Variants in CSMD3 observed in about 807,000 individuals in gnomAD.
The protein encoded by CSMD3 is CUB and sushi domain-containing protein 3.
Under a neutral mutation model 435.2 loss-of-function variants are expected in CSMD3, and 177 were observed. The ratio of observed to expected loss-of-function variants is 0.41; its 90% CI spans 0.36 to 0.46. The LOEUF (loss-of-function observed/expected upper bound fraction) is 0.46, where lower values mean the gene tolerates loss of function less well. Among genes scored for constraint, CSMD3 ranks in the 20% least tolerant of loss-of-function variants. The pLI is 0.34. For missense variants in CSMD3, 4,265 were observed against 4,504.6 expected (o/e 0.95, Z 1.52); for synonymous variants, 1,656 against 1,520.5 (o/e 1.09, Z -2.07).
At chr8:112,669,115 C>A (rs2075596199) in intron 16 of CSMD3, among the ~76,000 whole-genome samples, 2 of 152,012 alleles carry the variant, frequency 1.3e-5, no homozygotes, top group South Asian at 4.2e-4. Context: ...TCACTGCAAC[C>A]TCTGCCTCCT....
At chr8:112,982,947 C>T (rs751841160) in intron 6 of CSMD3, among the ~76,000 whole-genome samples, 2 of 151,864 alleles carry the variant, frequency 1.3e-5, no homozygotes, top group Non-Finnish European at 2.9e-5. Context: ...TTTTATATTT[C>T]ATGTGCTAGA....
chr8:112,548,601 T>A (rs758535708), intron 27 of CSMD3, among the ~76,000 whole-genome samples: 3 of 152,150 alleles, frequency 2.0e-5, no homozygotes, highest in African/African-American at 7.2e-5. Flanking sequence ...TAACCATATC[T>A]TATATGGCTT....
At chr8:112,973,762 G>A (rs1268206498) in intron 7 of CSMD3, among the ~76,000 whole-genome samples, 3 of 151,896 alleles carry the variant, frequency 2.0e-5, no homozygotes, top group African/African-American at 7.2e-5. Context: ...AATATTAAGA[G>A]ATTGTGTCTA....
intron 59 of CSMD3, among the ~76,000 whole-genome samples, chr8:112,279,568 A>C (rs542414268): frequency 6.6e-6 from 1 of 152,290 alleles, no homozygotes; most frequent in East Asian, 1.9e-4. Context: ...AGCCCAACTT[A>C]GATTAAAACA....
At chr8:113,304,972 T>TA (rs774140052) in intron 2 of CSMD3, among the ~76,000 whole-genome samples, 6 of 143,198 alleles carry the variant, frequency 4.2e-5, no homozygotes, top group Non-Finnish European at 6.1e-5. Flanking sequence ...TATGCAGCCA[T>TA]AAAAAATGAT....
intron 3 of CSMD3, among the ~76,000 whole-genome samples, chr8:113,195,198 A>C (rs934028497): frequency 6.8e-6 from 1 of 147,524 alleles, no homozygotes; most frequent in Non-Finnish European, 1.5e-5. Context: ...ACGATTTCCC[A>C]TGACACTGCC....
At chr8:112,594,674 G>C (rs1328832211) in intron 22 of CSMD3, among the ~76,000 whole-genome samples, 2 of 152,162 alleles carry the variant, frequency 1.3e-5, no homozygotes, top group Non-Finnish European at 2.9e-5. Flanking sequence ...TCTGAGAACG[G>C]GCAGACTGCC....
chr8:112,580,652 T>A (rs952880439), intron 23 of CSMD3, among the ~76,000 whole-genome samples: 1 of 151,968 alleles, frequency 6.6e-6, no homozygotes, highest in African/African-American at 2.4e-5. Context: ...ATGCTTCTTA[T>A]GAGCAGAGCA....
chr8:112,726,230 A>G (rs764780758), intron 13 of CSMD3, among the ~76,000 whole-genome samples: 41 of 152,014 alleles, frequency 2.7e-4, no homozygotes, highest in Middle Eastern at 3.4e-3. Context: ...TGGAGATTAT[A>G]ATTGAAGATG....
chr8:112,228,606 A>G, intron 70 of CSMD3, 150 bp downstream of exon 70: 1 of 756,676 alleles, frequency 1.3e-6, no homozygotes, highest in Non-Finnish European at 2.2e-6. Flanking sequence ...TAGGGGAAAT[A>G]AATTTTTCAG....
Position 112,550,651 on chromosome 8 carries a change from A to G in CSMD3, c.4564+20T>C, listed in dbSNP as rs1299102188. On this transcript the variant is annotated intron_variant, in intron 27 of 70. Transcript: ENST00000297405. ...TCACCTTCCTATTTTGCATTGAAGA[A>G]ATTTTTTGAAAAAACTTACTTGAAA... The G allele has an allele frequency of 6.9e-7, 1 of 1,439,072 alleles. No individual in the cohort carries two copies. The highest frequency in any genetic ancestry group is 9.8e-7 in the Non-Finnish European group (1 of 1,022,122). 89.1% of individuals were successfully genotyped at this position (1,439,072 alleles called of 1,614,324 possible).
At chr8:112,349,988 T>C (rs1359626914) in intron 40 of CSMD3, among the ~76,000 whole-genome samples, 3 of 152,010 alleles carry the variant, frequency 2.0e-5, no homozygotes, top group African/African-American at 7.2e-5. Flanking sequence ...AGGGTCTTAA[T>C]CCAATAGGAC....
intron 13 of CSMD3, among the ~76,000 whole-genome samples, chr8:112,738,603 G>A (rs2077236123): frequency 6.6e-6 from 1 of 151,442 alleles, no homozygotes; most frequent in African/African-American, 2.4e-5. Flanking sequence ...ATATTTCTCA[G>A]AAAAAAATGG....
At chr8:113,349,596 A>G (rs537376665) in intron 1 of CSMD3, among the ~76,000 whole-genome samples, 2 of 152,236 alleles carry the variant, frequency 1.3e-5, no homozygotes, top group Non-Finnish European at 2.9e-5. Context: ...AGCTTGGGCA[A>G]CACAGTGAGA....
At chr8:112,600,948 C>T (rs747356712) in intron 22 of CSMD3, among the ~76,000 whole-genome samples, 1 of 152,054 alleles carries the variant, frequency 6.6e-6, no homozygotes, top group Non-Finnish European at 1.5e-5. Flanking sequence ...AGATTACAGG[C>T]GTGAGCCACC....
intron 6 of CSMD3, among the ~76,000 whole-genome samples, chr8:112,991,886 A>C (rs552870772): frequency 6.6e-6 from 1 of 151,900 alleles, no homozygotes; most frequent in South Asian, 2.1e-4. Flanking sequence ...ATCATTTTTC[A>C]CACCACCTCT....
At chr8:112,563,417 T>TA (rs1718590482) in intron 24 of CSMD3, among the ~76,000 whole-genome samples, 1 of 151,722 alleles carries the variant, frequency 6.6e-6, no homozygotes, top group Admixed American at 6.6e-5. Context: ...TTTTTTTTTT[T>TA]AATGGCAGAT....
intron 13 of CSMD3, among the ~76,000 whole-genome samples, chr8:112,782,749 A>T (rs1190764318): frequency 6.6e-6 from 1 of 152,032 alleles, no homozygotes; most frequent in Non-Finnish European, 1.5e-5. Context: ...CTGGAATCAG[A>T]TTTTTCAGTG....
At chr8:113,408,033 A>AT (rs1164873000) in intron 1 of CSMD3, among the ~76,000 whole-genome samples, 2 of 152,122 alleles carry the variant, frequency 1.3e-5, no homozygotes, top group African/African-American at 4.8e-5. Flanking sequence ...ATAGTTAAAA[A>AT]TTTTTTTAAA....
Sources: gnomAD v4.1 joint callset for allele counts (sites outside exome capture counted in the v4.1 genomes callset) on GRCh38, gnomAD v4.1.1 for gene constraint, MANE v1.5 for transcripts, NCBI Gene and HGNC (gene_info 2026-07-23, HGNC 2026-07-21) for gene names.